Variants in APC observed in about 807,000 individuals in gnomAD.
APC encodes APC regulator of Wnt signaling pathway.
APC carries 72 observed loss-of-function variants against 247.0 expected under a neutral mutation model. That is an observed-to-expected ratio of 0.29 (90% CI 0.24 to 0.35). The LOEUF is 0.35. APC is among the 10% of genes least tolerant of loss of function. The pLI is 1.00. For synonymous variants in APC, 1,254 were observed against 1,162.5 expected (o/e 1.08, Z -1.60); for missense variants, 3,400 against 3,360.7 (o/e 1.01, Z -0.29).
chr5:112,738,428 G>A (rs947559799), intron 1 of APC: 20 of 985,818 alleles, frequency 2.0e-5, no homozygotes, highest in African/African-American at 8.7e-5. Flanking sequence ...AGTGGAAAGA[G>A]CTACTGGGGA....
chr5:112,722,232 G>A (rs1751520923), intron 1 of APC, among the ~76,000 whole-genome samples: 3 of 151,950 alleles, frequency 2.0e-5, no homozygotes, highest in Admixed American at 6.6e-5. Context: ...TACACTGTTC[G>A]GTTTTGTGAG....
chr5:112,833,734 A>G (rs927273814), intron 14 of APC, among the ~76,000 whole-genome samples: 3 of 152,214 alleles, frequency 2.0e-5, no homozygotes, highest in Admixed American at 6.5e-5. Context: ...CCAGGTTTTC[A>G]TAATTTGTTA....
At chr5:112,759,497 A>G (rs2149757147) in intron 2 of APC, among the ~76,000 whole-genome samples, 1 of 151,720 alleles carries the variant, frequency 6.6e-6, no homozygotes. Context: ...AGCTGGGACT[A>G]CAGGCGTGCA....
chr5:112,831,804 C>T (rs993385530), intron 14 of APC, among the ~76,000 whole-genome samples: 13 of 152,172 alleles, frequency 8.5e-5, no homozygotes, highest in African/African-American at 3.1e-4. Context: ...TTTTGAAAAA[C>T]AAAAATTTTC....
At chr5:112,783,765 CAA>C (rs77929348) in intron 6 of APC, 17,383 of 188,664 alleles carry the variant, frequency 0.092, no homozygotes, top group South Asian at 0.12. Context: ...CCACTGCACT[CAA>C]AAAAAAAAAA....
intron 8 of APC, among the ~76,000 whole-genome samples, chr5:112,801,636 T>C (rs928402715): frequency 1.3e-5 from 2 of 151,578 alleles, no homozygotes; most frequent in African/African-American, 4.9e-5. Flanking sequence ...TGATTGTGAG[T>C]AGTTTTTTTT....
intron 7 of APC, among the ~76,000 whole-genome samples, chr5:112,797,099 C>A (rs571063381): frequency 6.6e-6 from 1 of 152,106 alleles, no homozygotes; most frequent in Admixed American, 6.5e-5. Flanking sequence ...ACTTTTTATT[C>A]ATATTATTGG....
At chr5:112,808,901 C>T (rs967667698) in intron 8 of APC, among the ~76,000 whole-genome samples, 3 of 151,986 alleles carry the variant, frequency 2.0e-5, no homozygotes, top group South Asian at 2.1e-4. Context: ...AAGGAGAAGT[C>T]GAGAATTACT....
chr5:112,798,463 T>A (rs903362604), intron 7 of APC, among the ~76,000 whole-genome samples: 5 of 152,216 alleles, frequency 3.3e-5, no homozygotes, highest in African/African-American at 1.2e-4. Context: ...GATGAAAATG[T>A]TCTAAAACTG....
chr5:112,721,327 T>G (rs1751471268), intron 1 of APC, among the ~76,000 whole-genome samples: 2 of 152,042 alleles, frequency 1.3e-5, no homozygotes, highest in Admixed American at 1.3e-4. Flanking sequence ...GGCATGAGAA[T>G]CACTTGAACC....
Position 112,840,253 on chromosome 5 carries a change from A to C in APC, c.4659A>C (p.Ala1553=). 6.2e-7 allele frequency: 1 copy of C among 1,614,228 alleles called. No homozygotes were observed. The highest frequency in any genetic ancestry group is 8.5e-7 in the Non-Finnish European group (1 of 1,180,034). Residue 1553 remains alanine, a synonymous_variant, in exon 16 of 16, where the codon GCA becomes GCC. Transcript: ENST00000257430. The surrounding 1 kb of genome is among the most constrained non-coding windows in gnomAD (Gnocchi z 4.1). The stretch of plus-strand genomic sequence containing the variant: ...CAAATGAAAACCAAGAGAAAGAGGC[A>C]GAAAAAACTATTGATTCTGAAAAGG... ...KESNENQEKE[A]EKTIDSEKDL... is the part of the protein sequence containing the mutation.
At chr5:112,707,679 T>TGAG (rs1750596127) in exon 1 of APC, 1 of 1,370,186 alleles carries the variant, frequency 7.3e-7, no homozygotes, top group African/African-American at 1.4e-5. Flanking sequence ...GTGAGGAAGG[T>TGAG]GAAGCACTCA....
At chr5:112,745,165 A>G (rs1753500274) in intron 1 of APC, among the ~76,000 whole-genome samples, 2 of 152,184 alleles carry the variant, frequency 1.3e-5, no homozygotes, top group East Asian at 1.9e-4. Flanking sequence ...TTTCCTTTTA[A>G]AACATTTTTA....
intron 1 of APC, among the ~76,000 whole-genome samples, chr5:112,747,205 A>G (rs1011662033): frequency 6.6e-6 from 1 of 151,260 alleles, no homozygotes; most frequent in Admixed American, 6.6e-5. Context: ...GATAAATTTG[A>G]TGTGAAAGAT....
intron 7 of APC, among the ~76,000 whole-genome samples, chr5:112,798,770 A>C (rs1760475978): frequency 2.0e-5 from 3 of 152,234 alleles, no homozygotes; most frequent in Non-Finnish European, 2.9e-5. Flanking sequence ...GGAGGGAGGA[A>C]AGAAAATGAA....
exon 1 of APC, chr5:112,707,698 C>T (rs2149630305): frequency 7.3e-7 from 1 of 1,370,670 alleles, no homozygotes; most frequent in South Asian, 1.2e-5. Context: ...CAGTTGCCTT[C>T]TCGGGCCTCG....
upstream of APC, among the ~76,000 whole-genome samples, chr5:112,736,606 T>C (rs1752402819): frequency 2.0e-5 from 3 of 152,154 alleles, no homozygotes; most frequent in Admixed American, 1.3e-4. Context: ...ACGATTATAA[T>C]ATGCTTCATT....
At chr5:112,783,155 T>G (rs1758538355) in intron 6 of APC, among the ~76,000 whole-genome samples, 1 of 152,188 alleles carries the variant, frequency 6.6e-6, no homozygotes, top group Non-Finnish European at 1.5e-5. Flanking sequence ...TAAAAATTCT[T>G]GTGCTATATA....
intron 6 of APC, among the ~76,000 whole-genome samples, chr5:112,784,586 T>C (rs1424113011): frequency 6.6e-6 from 1 of 152,178 alleles, no homozygotes; most frequent in Non-Finnish European, 1.5e-5. Context: ...TAAAATACCA[T>C]ACTGAGAATA....
Sources: gnomAD v4.1 joint callset for allele counts (sites outside exome capture counted in the v4.1 genomes callset) on GRCh38, gnomAD v4.1.1 for gene constraint, Gnocchi (gnomAD v3.1) non-coding constraint, MANE v1.5 for transcripts, NCBI Gene and HGNC (gene_info 2026-07-23, HGNC 2026-07-21) for gene names.